Variants in KSR1 observed in about 807,000 individuals in gnomAD.
KSR1 encodes kinase suppressor of ras 1, also known as kinase suppressor of ras.
KSR1 carries 35 observed loss-of-function variants against 92.9 expected under a neutral mutation model. The observed-to-expected ratio is 0.38, with a 90% confidence interval of 0.29 to 0.50. KSR1 has a LOEUF of 0.50. Among genes scored for constraint, KSR1 ranks in the 20% least tolerant of loss-of-function variants. The pLI is 0.94. For missense variants in KSR1, 972 were observed against 1,158.5 expected, an observed-to-expected ratio of 0.84 and a Z score of 2.34; for synonymous variants, 467 against 472.6, an observed-to-expected ratio of 0.99 and a Z score of 0.15.
At chr17:27,549,955 C>T (rs995454194) in intron 1 of KSR1, among the ~76,000 whole-genome samples, 4 of 152,140 alleles carry the variant, frequency 2.6e-5, no homozygotes, top group Non-Finnish European at 5.9e-5. Flanking sequence ...TGGAAGCATC[C>T]TAGGTGGGAG....
chr17:27,535,553 A>G (rs2070724489), intron 1 of KSR1, among the ~76,000 whole-genome samples: 1 of 152,142 alleles, frequency 6.6e-6, no homozygotes, highest in South Asian at 2.1e-4. Flanking sequence ...TCCTTGTTCC[A>G]CGGGAAGCTT....
At chr17:27,576,927 G>C (rs751066717) in intron 2 of KSR1, among the ~76,000 whole-genome samples, 1 of 152,166 alleles carries the variant, frequency 6.6e-6, no homozygotes, top group African/African-American at 2.4e-5. Flanking sequence ...TAGTGACCTC[G>C]TGCAGGTGAC....
chr17:27,470,771 C>T (rs968918595), intron 1 of KSR1, among the ~76,000 whole-genome samples: 1 of 152,046 alleles, frequency 6.6e-6, no homozygotes, highest in African/African-American at 2.4e-5. Context: ...ACCTTTGTAC[C>T]TTTCTTCTTC....
intron 10 of KSR1, 86 bp from the exon 11 acceptor site, chr17:27,601,274 C>A: frequency 8.4e-7 from 1 of 1,192,162 alleles, no homozygotes; most frequent in South Asian, 1.3e-5. Context: ...CAAGTCCCTG[C>A]CTCCCAAGCC....
chr17:27,558,407 T>C (rs944127167), intron 2 of KSR1, among the ~76,000 whole-genome samples: 4 of 152,164 alleles, frequency 2.6e-5, no homozygotes, highest in Admixed American at 2.0e-4. Context: ...GAGATACAGT[T>C]TCATCAAGGT....
At chr17:27,513,514 G>T (rs976569869) in intron 1 of KSR1, among the ~76,000 whole-genome samples, 1 of 152,162 alleles carries the variant, frequency 6.6e-6, no homozygotes, top group East Asian at 1.9e-4. Context: ...CTTGTGTTGG[G>T]TGTACCTGGA....
intron 1 of KSR1, among the ~76,000 whole-genome samples, chr17:27,509,045 GA>G (rs1298370473): frequency 6.6e-6 from 1 of 151,742 alleles, no homozygotes; most frequent in Non-Finnish European, 1.5e-5. Flanking sequence ...CCTGAAGTTT[GA>G]ACAGACCCAG....
intron 1 of KSR1, among the ~76,000 whole-genome samples, chr17:27,536,798 G>A (rs941002103): frequency 6.6e-6 from 1 of 152,172 alleles, no homozygotes; most frequent in Non-Finnish European, 1.5e-5. Context: ...GCAGGCCCAG[G>A]GCCACTCATT....
intron 1 of KSR1, among the ~76,000 whole-genome samples, chr17:27,492,975 C>T (rs762585192): frequency 1.5e-4 from 23 of 152,062 alleles, no homozygotes; most frequent in African/African-American, 5.6e-4. Flanking sequence ...ATATTCCATG[C>T]GGGGAGGGAA....
intron 1 of KSR1, among the ~76,000 whole-genome samples, chr17:27,461,296 G>T (rs1218265351): frequency 1.3e-5 from 2 of 152,140 alleles, no homozygotes; most frequent in Non-Finnish European, 2.9e-5. Context: ...GGCCAGGCTG[G>T]TCTCGAACTC....
chr17:27,584,026 C>G, intron 4 of KSR1: 1 of 960,426 alleles, frequency 1.0e-6, no homozygotes, highest in African/African-American at 1.8e-5. Context: ...TTATCTTGTC[C>G]CTTCTTGATG....
intron 1 of KSR1, among the ~76,000 whole-genome samples, chr17:27,475,311 G>A (rs986478201): frequency 3.3e-5 from 5 of 152,222 alleles, no homozygotes; most frequent in African/African-American, 1.2e-4. Context: ...AGAAGGTGGT[G>A]AGAGGTGCTG....
At chr17:27,480,918 T>C (rs2068491818) in intron 1 of KSR1, among the ~76,000 whole-genome samples, 1 of 152,218 alleles carries the variant, frequency 6.6e-6, no homozygotes, top group African/African-American at 2.4e-5. Flanking sequence ...TTCTTTTGTA[T>C]CAGCCAGGAT....
chr17:27,597,819 A>T (rs908092278), intron 10 of KSR1, among the ~76,000 whole-genome samples: 3 of 152,306 alleles, frequency 2.0e-5, no homozygotes, highest in African/African-American at 7.2e-5. Context: ...CCAGCAACAC[A>T]GGGAGCTAGA....
chr17:27,582,489 C>T (rs1379422016), intron 3 of KSR1, among the ~76,000 whole-genome samples, 157 bp from the exon 4 acceptor site: 4 of 152,150 alleles, frequency 2.6e-5, no homozygotes, highest in African/African-American at 9.7e-5. Flanking sequence ...CATGAGTGAG[C>T]GGCCTTTATA....
chr17:27,502,973 G>A (rs577581191), intron 1 of KSR1, among the ~76,000 whole-genome samples: 2 of 152,320 alleles, frequency 1.3e-5, no homozygotes, highest in South Asian at 4.1e-4. Flanking sequence ...TGCCACTGCT[G>A]CCTCACCCTT....
At chr17:27,568,183 C>T (rs1025821527) in intron 2 of KSR1, among the ~76,000 whole-genome samples, 17 of 152,354 alleles carry the variant, frequency 1.1e-4, no homozygotes, top group African/African-American at 3.8e-4. Flanking sequence ...CTAGTTGGAC[C>T]CCCATGGGGC....
In KSR1 at chr17:27,582,907, C is replaced by A; in HGVS notation, c.782C>A (p.Thr261Asn). 6.2e-7 allele frequency: 1 copy of A among 1,611,824 alleles called. No homozygotes were observed. The highest frequency in any genetic ancestry group is 8.5e-7 in the Non-Finnish European group (1 of 1,178,982). The change falls in exon 4 of 21, where the codon ACC (threonine) becomes AAC (asparagine). Residue 261 changes from threonine (T) to asparagine (N), a missense_variant. By Grantham distance (65) the Thr-to-Asn change is moderately conservative. Transcript: ENST00000644974. ...CIPLHASGRLTPRALHSFITP... is the reference protein window; with the variant it reads ...CIPLHASGRLNPRALHSFITP... ...CCCCTGCACGCCAGCGGCCGGCTGA[C>A]CCCCCGTGCCCTGCACAGCTTCATC...
chr17:27,534,990 G>A (rs575391803), intron 1 of KSR1, among the ~76,000 whole-genome samples: 3 of 152,280 alleles, frequency 2.0e-5, no homozygotes, highest in African/African-American at 4.8e-5. Flanking sequence ...TTCTCAGATC[G>A]CTTAGGAAAA....
Sources: allele counts gnomAD v4.1 joint callset (sites outside exome capture counted in the v4.1 genomes callset), GRCh38; gene constraint gnomAD v4.1.1; transcripts MANE v1.5; gene names NCBI Gene and HGNC (gene_info 2026-07-23, HGNC 2026-07-21).